The following RAP1GAP2 variants were observed in gnomAD, a reference collection of about 807,000 sequenced individuals.
The protein encoded by RAP1GAP2 is rap1 GTPase-activating protein 2.
Under a neutral mutation model 95.0 loss-of-function variants are expected in RAP1GAP2, and 27 were observed. The ratio of observed to expected loss-of-function variants is 0.28; its 90% confidence interval spans 0.21 to 0.39. The LOEUF (loss-of-function observed/expected upper bound fraction) is 0.39, where lower values mean the gene tolerates loss of function less well. Among genes scored for constraint, RAP1GAP2 ranks in the 10% least tolerant of loss-of-function variants. RAP1GAP2 has a pLI of 1.00. For synonymous variants in RAP1GAP2, 373 were observed against 380.9 expected (o/e 0.98, Z 0.24); for missense variants, 771 against 970.0 (o/e 0.79, Z 2.72).
At chr17:2,886,501 T>A (rs2073510676) in intron 2 of RAP1GAP2, among the ~76,000 whole-genome samples, 1 of 152,196 alleles carries the variant, frequency 6.6e-6, no homozygotes. Context: ...AATAAAAATT[T>A]AAAAATCAGA....
chr17:2,842,625 C>T (rs1334479615), intron 2 of RAP1GAP2, among the ~76,000 whole-genome samples: 2 of 151,850 alleles, frequency 1.3e-5, no homozygotes, highest in Non-Finnish European at 2.9e-5. Context: ...CTAGAGTTGC[C>T]TAAAAGCCGT....
Position 3,033,347 on chromosome 17 carries a change from T to C in RAP1GAP2, c.*31-45T>C, listed in dbSNP as rs1597925491. The C allele has an allele frequency of 6.5e-6, 1 of 153,072 alleles. No individual in the cohort carries two copies. 9.5% of individuals were successfully genotyped at this position (153,072 alleles called of 1,614,324 possible). ...GACGTCCGCGTCGTCCCCTCCTTCC[T>C]GTACGGAATGTTCGCTCATCGCCGC... On this transcript the variant is annotated intron_variant, in intron 24 of 24. Transcript: ENST00000254695. This position sits in a 1 kb window ranked among gnomAD's most constrained non-coding sequence, Gnocchi z 4.9.
At chr17:2,876,041 C>T (rs2073083411) in intron 2 of RAP1GAP2, among the ~76,000 whole-genome samples, 1 of 151,804 alleles carries the variant, frequency 6.6e-6, no homozygotes, top group African/African-American at 2.4e-5. Flanking sequence ...GGGTTCACGC[C>T]ATTCTCCTGC....
chr17:2,922,234 C>T (rs1006806938), intron 3 of RAP1GAP2, among the ~76,000 whole-genome samples: 6 of 152,154 alleles, frequency 3.9e-5, no homozygotes, highest in African/African-American at 9.7e-5. Flanking sequence ...AGAAGGGATT[C>T]GCTAGTCCCT....
chr17:2,918,535 A>G (rs2042646679), intron 3 of RAP1GAP2, among the ~76,000 whole-genome samples: 2 of 151,860 alleles, frequency 1.3e-5, no homozygotes, highest in Non-Finnish European at 1.5e-5. Context: ...GGGTGGCCTC[A>G]GGAAACTTTT....
intron 2 of RAP1GAP2, among the ~76,000 whole-genome samples, chr17:2,804,433 G>A (rs2069428312): frequency 6.6e-6 from 1 of 152,234 alleles, no homozygotes. Context: ...GGTCTTCAGG[G>A]AGGAAGTCAC....
chr17:2,812,964 T>C lies in RAP1GAP2; in HGVS notation c.80+12414T>C, dbSNP rs539700159. ...GAGATCGCACCATTGCACTCTAGCCTGGGTAACAAGAGTGAAACTCCGTCT... is the reference window on the plus strand; with the variant it reads ...GAGATCGCACCATTGCACTCTAGCCCGGGTAACAAGAGTGAAACTCCGTCT... On this transcript the variant is annotated intron_variant, in intron 2 of 24. Coordinates refer to ENST00000254695, the MANE Select transcript of RAP1GAP2 (RefSeq NM_015085.5). Among the ~76,000 whole-genome samples, 12 of 140,436 alleles carry C rather than the reference T, an allele frequency of 8.5e-5. No homozygotes were observed. The Admixed American group carries it at 8.8e-4, about 10-fold the overall frequency. The allele number at this position is 140,436 out of a possible 152,430, so 92.1% of individuals were successfully genotyped here.
intron 16 of RAP1GAP2, 128 bp from the exon 17 acceptor site, chr17:3,007,883 T>C: frequency 8.8e-7 from 1 of 1,141,564 alleles, no homozygotes; most frequent in Non-Finnish European, 1.2e-6. Flanking sequence ...CAGCAGTAGG[T>C]CCACACCGTT....
intron 1 of RAP1GAP2, among the ~76,000 whole-genome samples, chr17:2,784,354 T>C (rs1310805532): frequency 6.6e-6 from 1 of 151,968 alleles, no homozygotes; most frequent in East Asian, 1.9e-4. Flanking sequence ...CACTGCGACC[T>C]CCATCTCCCG....
At chr17:2,776,694 C>T (rs894445017), upstream of RAP1GAP2, among the ~76,000 whole-genome samples, 11 of 149,522 alleles carry the variant, frequency 7.4e-5, 1 homozygote, top group East Asian at 1.7e-3. Flanking sequence ...GCTGCGCGTG[C>T]GCGGCGGCGG....
At chr17:3,032,633 G>A (rs1027592135) in intron 24 of RAP1GAP2, among the ~76,000 whole-genome samples, 184 bp downstream of exon 24, 2 of 152,150 alleles carry the variant, frequency 1.3e-5, no homozygotes, top group African/African-American at 2.4e-5. Flanking sequence ...TGGCCTGTGT[G>A]CGGATGGGAA....
At chr17:2,962,484 G>A (rs947776392) in intron 4 of RAP1GAP2, 186 bp from the exon 5 acceptor site, 28 of 587,986 alleles carry the variant, frequency 4.8e-5, no homozygotes, top group African/African-American at 1.8e-4. Flanking sequence ...GCCCAGCGGC[G>A]CTGTTGCCTC....
Position 3,013,825 on chromosome 17 carries a change from A to G in RAP1GAP2, c.1495-4236A>G, listed in dbSNP as rs1319556878. 3.3e-5 allele frequency among the ~76,000 whole-genome samples: 5 copies of G among 151,916 alleles called. No individual in the cohort carries two copies. In the South Asian group the frequency reaches 6.2e-4, roughly 19 times the overall value. On this transcript the variant is annotated intron_variant, in intron 17 of 24. Transcript: ENST00000254695. Reference sequence around the variant, plus strand: ...CTTACCTGCTATGTGGGCTTGGGCAATAATTTACCCTTCAGAACTTTTTCT... The same window carrying G: ...CTTACCTGCTATGTGGGCTTGGGCAGTAATTTACCCTTCAGAACTTTTTCT...
At chr17:2,919,634 G>T (rs1024797917) in intron 3 of RAP1GAP2, among the ~76,000 whole-genome samples, 2 of 152,272 alleles carry the variant, frequency 1.3e-5, no homozygotes, top group Non-Finnish European at 2.9e-5. Flanking sequence ...TGGTCTGGGG[G>T]GTCTGGGCTG....
At chr17:2,756,574 C>T (rs2071151157) in intron 1 of RAP1GAP2, among the ~76,000 whole-genome samples, 2 of 152,184 alleles carry the variant, frequency 1.3e-5, no homozygotes, top group Admixed American at 1.3e-4. Flanking sequence ...CACAGCCCTC[C>T]CCGGACCTCG....
intron 3 of RAP1GAP2, among the ~76,000 whole-genome samples, chr17:2,936,114 T>TAA (rs1218479650): frequency 2.6e-5 from 4 of 151,616 alleles, no homozygotes; most frequent in Admixed American, 6.6e-5. Flanking sequence ...TTTTTTTTTT[T>TAA]TTATTATTAT....
At chr17:2,763,710 A>G (rs1358251590) in intron 1 of RAP1GAP2, among the ~76,000 whole-genome samples, 1 of 151,628 alleles carries the variant, frequency 6.6e-6, no homozygotes, top group African/African-American at 2.4e-5. Flanking sequence ...CAAAAAAAGA[A>G]TAAAGAATAA....
intron 2 of RAP1GAP2, among the ~76,000 whole-genome samples, chr17:2,816,952 C>T (rs2070050613): frequency 9.2e-6 from 1 of 109,010 alleles, no homozygotes; most frequent in African/African-American, 3.0e-5. Flanking sequence ...CTTCAAGGTT[C>T]ATCCATGTTG....
chr17:2,795,588 C>T (rs765790808), upstream of RAP1GAP2, among the ~76,000 whole-genome samples: 6 of 152,202 alleles, frequency 3.9e-5, no homozygotes, highest in Admixed American at 1.3e-4. Context: ...AGACACTTGG[C>T]GGCGGGGGTG....
Sources: allele counts gnomAD v4.1 joint callset (sites outside exome capture counted in the v4.1 genomes callset), GRCh38; gene constraint gnomAD v4.1.1; non-coding constraint Gnocchi (gnomAD v3.1); transcripts MANE v1.5; gene names NCBI Gene and HGNC (gene_info 2026-07-23, HGNC 2026-07-21).